MCTP2: variants seen among roughly 807,000 people sequenced by gnomAD.
The protein encoded by MCTP2 is multiple C2 and transmembrane domain containing 2.
In MCTP2, 132 loss-of-function variants were observed where a neutral mutation model predicts 111.6. That is an observed-to-expected ratio of 1.18 (90% confidence interval 1.03 to 1.37). MCTP2 has a LOEUF of 1.37. Among genes scored for constraint, MCTP2 ranks in the 40% most tolerant of loss-of-function variants. The pLI is 0.00. For missense variants in MCTP2, 1,183 were observed against 1,067.9 expected (o/e 1.11, Z -1.50); for synonymous variants, 395 against 387.7 (o/e 1.02, Z -0.22).
intron 20 of MCTP2, among the ~76,000 whole-genome samples, chr15:94,469,945 G>C (rs530356935): frequency 6.6e-6 from 1 of 152,054 alleles, no homozygotes; most frequent in African/African-American, 2.4e-5. Flanking sequence ...ACTAGTAACC[G>C]TGTGTTTATT....
At chr15:94,458,896 A>G (rs545402701) in intron 20 of MCTP2, among the ~76,000 whole-genome samples, 2 of 152,328 alleles carry the variant, frequency 1.3e-5, no homozygotes, top group East Asian at 3.9e-4. Flanking sequence ...ATTCCAATAA[A>G]ACTTTATTTA....
intron 17 of MCTP2, among the ~76,000 whole-genome samples, chr15:94,405,296 C>T (rs903766319): frequency 6.6e-6 from 1 of 152,144 alleles, no homozygotes; most frequent in African/African-American, 2.4e-5. Flanking sequence ...GACTCTAGCT[C>T]CAGGTGATAC....
intron 10 of MCTP2, among the ~76,000 whole-genome samples, chr15:94,366,272 A>G (rs768146474): frequency 5.9e-5 from 9 of 152,216 alleles, no homozygotes; most frequent in African/African-American, 9.6e-5. Flanking sequence ...GAAATATTTG[A>G]TGAATTTATT....
At chr15:94,265,988 CT>C (rs1366442675) in intron 1 of MCTP2, among the ~76,000 whole-genome samples, 1 of 152,162 alleles carries the variant, frequency 6.6e-6, no homozygotes, top group Non-Finnish European at 1.5e-5. Flanking sequence ...TCCATAGTTG[CT>C]TTGCAAGATT....
At chr15:94,249,676 G>A (rs571354129) in intron 1 of MCTP2, among the ~76,000 whole-genome samples, 4 of 151,992 alleles carry the variant, frequency 2.6e-5, no homozygotes, top group Admixed American at 1.3e-4. Context: ...TAGTAGAGAC[G>A]GGGTTTCACT....
intron 4 of MCTP2, among the ~76,000 whole-genome samples, chr15:94,317,895 T>C: frequency 6.6e-6 from 1 of 152,026 alleles, no homozygotes; most frequent in East Asian, 1.9e-4. Context: ...TTAATCAAAG[T>C]CATAATTTCT....
At chr15:94,361,566 C>T (rs556779626) in intron 10 of MCTP2, among the ~76,000 whole-genome samples, 2 of 152,308 alleles carry the variant, frequency 1.3e-5, no homozygotes, top group African/African-American at 4.8e-5. Context: ...CTTGCGCACT[C>T]TGATGGTAGG....
In MCTP2 at chr15:94,456,468, C is replaced by T. The variant is rs755715185; in HGVS notation, c.2251-1669C>T. Among the ~76,000 whole-genome samples the T allele has an allele frequency of 1.1e-4, 17 of 152,238 alleles. No individual in the cohort carries two copies. The Middle Eastern group carries it at 0.01, about 91-fold the overall frequency. ...CACTTTTGGCCTTTGGGTCAAATTC[C>T]CTCATGCTTTCAAATGTTCCTTTAT... On this transcript the variant is annotated intron_variant, in intron 19 of 22. Transcript: ENST00000357742.
At chr15:94,338,871 T>G (rs1253425753) in intron 4 of MCTP2, among the ~76,000 whole-genome samples, 1 of 152,238 alleles carries the variant, frequency 6.6e-6, no homozygotes, top group Non-Finnish European at 1.5e-5. Flanking sequence ...TTTTCAAGTA[T>G]AGGATTCTGT....
chr15:94,353,535 T>A (rs1309151587), intron 8 of MCTP2, among the ~76,000 whole-genome samples: 16 of 152,220 alleles, frequency 1.1e-4, no homozygotes, highest in Non-Finnish European at 1.3e-4. Flanking sequence ...GCATATTTCA[T>A]GGAAGTGCTG....
rs2084290486 is a variant in MCTP2, at chr15:94,449,084, A to G, written c.2250+6124A>G. 2.0e-5 allele frequency among the ~76,000 whole-genome samples: 3 copies of G among 152,180 alleles called. 1 individual carries two copies. The highest frequency in any genetic ancestry group is 6.5e-5 in the Admixed American group (1 of 15,284). On this transcript the variant is annotated intron_variant, in intron 19 of 22. Transcript: ENST00000357742. ...TGATCTGTTTTACTGTGACTCACCC[A>G]ATTATCCAATGAGTTTATGAGATAA... is the stretch of plus-strand genomic sequence containing the variant.
At chr15:94,384,357 A>G (rs1284665452) in intron 13 of MCTP2, among the ~76,000 whole-genome samples, 1 of 152,206 alleles carries the variant, frequency 6.6e-6, no homozygotes, top group African/African-American at 2.4e-5. Context: ...TCTTTTAGTG[A>G]CTAAATTAAT....
intron 17 of MCTP2, chr15:94,402,987 A>G (rs11633971): frequency 0.6 from 593,407 of 995,312 alleles, 181,639 homozygotes; most frequent in Middle Eastern, 0.66. Context: ...TCATATAAAA[A>G]ATGGGGGAAA....
At chr15:94,442,689 G>A (rs190193047) in intron 18 of MCTP2, among the ~76,000 whole-genome samples, 12 of 152,282 alleles carry the variant, frequency 7.9e-5, no homozygotes, top group Admixed American at 7.8e-4. Context: ...AAGGGCACTG[G>A]CCTAATAGCT....
intron 17 of MCTP2, among the ~76,000 whole-genome samples, chr15:94,423,600 G>A (rs1012555058): frequency 2.0e-5 from 3 of 152,184 alleles, no homozygotes; most frequent in African/African-American, 7.2e-5. Context: ...GAGGTACCCT[G>A]ACATTTGTAC....
At chr15:94,421,047 C>T (rs1367825766) in intron 17 of MCTP2, among the ~76,000 whole-genome samples, 1 of 152,036 alleles carries the variant, frequency 6.6e-6, no homozygotes, top group African/African-American at 2.4e-5. Context: ...AGGCAAAACC[C>T]TCCACCAGCA....
chr15:94,394,132 A>G (rs964922614), intron 14 of MCTP2, among the ~76,000 whole-genome samples: 2 of 151,994 alleles, frequency 1.3e-5, no homozygotes, highest in South Asian at 2.1e-4. Context: ...AATTATGATC[A>G]TGATGGTCGA....
intron 19 of MCTP2, among the ~76,000 whole-genome samples, chr15:94,446,244 A>G (rs2084110499): frequency 6.6e-6 from 1 of 152,196 alleles, no homozygotes; most frequent in Non-Finnish European, 1.5e-5. Flanking sequence ...GTACAAGCTA[A>G]ACTTTGAAGA....
chr15:94,325,966 T>C (rs931195114), intron 4 of MCTP2, among the ~76,000 whole-genome samples: 2 of 151,820 alleles, frequency 1.3e-5, no homozygotes, highest in African/African-American at 4.8e-5. Flanking sequence ...ATTACAGGCA[T>C]GCGCCACCAT....
Sources: allele counts gnomAD v4.1 joint callset (sites outside exome capture counted in the v4.1 genomes callset), GRCh38; gene constraint gnomAD v4.1.1; transcripts MANE v1.5; gene names NCBI Gene and HGNC (gene_info 2026-07-23, HGNC 2026-07-21).